NADK: variants seen among roughly 807,000 people sequenced by gnomAD.
NADK encodes NAD kinase.
In NADK, 22 loss-of-function variants were observed where a neutral mutation model predicts 49.8. That is an observed-to-expected ratio of 0.44 (90% confidence interval 0.32 to 0.63). NADK has a LOEUF of 0.63. Ranked by LOEUF, NADK falls within the 30% of genes least tolerant of loss-of-function variation. NADK has a pLI of 0.06. For missense variants in NADK, 438 were observed against 609.4 expected, an observed-to-expected ratio of 0.72 and a Z score of 2.96; for synonymous variants, 268 against 253.7, an observed-to-expected ratio of 1.06 and a Z score of -0.54.
intron 1 of NADK, among the ~76,000 whole-genome samples, chr1:1,774,445 G>C (rs1476940862): frequency 2.0e-5 from 3 of 152,072 alleles, no homozygotes; most frequent in African/African-American, 7.2e-5. Flanking sequence ...CAACATGGAG[G>C]GGTTTCTCCA....
intron 3 of NADK, among the ~76,000 whole-genome samples, chr1:1,761,205 C>A (rs977310272): frequency 2.0e-5 from 3 of 152,204 alleles, no homozygotes; most frequent in Non-Finnish European, 2.9e-5. Context: ...ATTGGCCAGG[C>A]TGGTCTTGAA....
At chr1:1,758,057 C>T (rs1408609517) in intron 3 of NADK, among the ~76,000 whole-genome samples, 1 of 152,218 alleles carries the variant, frequency 6.6e-6, no homozygotes, top group Non-Finnish European at 1.5e-5. Flanking sequence ...GGAACACACA[C>T]CACGGAGCCT....
intron 1 of NADK, among the ~76,000 whole-genome samples, chr1:1,766,647 G>T (rs1268542032): frequency 6.6e-6 from 1 of 151,320 alleles, no homozygotes; most frequent in African/African-American, 2.4e-5. Flanking sequence ...AAGAAAACTG[G>T]TGAGGATAGA....
intron 1 of NADK, among the ~76,000 whole-genome samples, chr1:1,775,775 A>G (rs1323818449): frequency 6.6e-6 from 1 of 152,224 alleles, no homozygotes; most frequent in Non-Finnish European, 1.5e-5. Flanking sequence ...TCTGAAGCAC[A>G]CACACACATT....
Position 1,765,254 on chromosome 1 carries a change from G to A in NADK, c.153C>T (p.Pro51=), listed in dbSNP as rs150021026. The A allele has an allele frequency of 2.9e-5, 47 of 1,611,348 alleles. No individual in the cohort carries two copies. In the African/African-American group the frequency reaches 3.7e-4, roughly 13 times the overall value. ...TGAACTCCTTGGTGCTCCCCAGGGC[G>A]GGCGAGGCAGACAGGCTGCGAGACT... ...RAKSRSLSAS[P]ALGSTKEFRR... The change falls in exon 2 of 12, where the codon CCC becomes CCT. Residue 51 remains proline (P), a synonymous_variant. Coordinates refer to ENST00000341426, the MANE Select transcript of NADK (RefSeq NM_023018.5).
At chr1:1,753,965 G>C in intron 10 of NADK, 86 bp downstream of exon 10, 1 of 1,468,688 alleles carries the variant, frequency 6.8e-7, no homozygotes, top group Non-Finnish European at 9.1e-7. Context: ...GAGCCAGCAT[G>C]GCAGAGCGGG....
chr1:1,767,212 C>T (rs1645916027), intron 1 of NADK, among the ~76,000 whole-genome samples: 1 of 152,164 alleles, frequency 6.6e-6, no homozygotes, highest in Non-Finnish European at 1.5e-5. Flanking sequence ...CCACCACGCC[C>T]AGCCTAGAAC....
Position 1,765,340 on chromosome 1 carries a change from A to G in NADK, c.67T>C (p.Cys23Arg), listed in dbSNP as rs141373333. 2.2e-5 allele frequency: 36 copies of G among 1,613,602 alleles called. 1 individual carries two copies. The African/African-American group carries it at 4.0e-4, about 18-fold the overall frequency. The change falls in exon 2 of 12, where the codon TGC becomes CGC. Residue 23 changes from cysteine (C) to arginine (R), a missense_variant. By Grantham distance (180) the Cys-to-Arg change is radical. Transcript: ENST00000341426. ...GTCTCATCGCCGTGGCAGGCCGAGC[A>G]GCAGTAAGCAGCCGCGTCTGGACTC... Reference protein sequence around the residue: ...ELSPDAAAYCCSACHGDETWS... With the variant: ...ELSPDAAAYCRSACHGDETWS...
At chr1:1,755,633 C>T (rs535544990) in intron 6 of NADK, among the ~76,000 whole-genome samples, 157 bp from the exon 7 acceptor site, 199 of 152,296 alleles carry the variant, frequency 1.3e-3, no homozygotes, top group Non-Finnish European at 2.4e-3. Context: ...AGGGGGACGT[C>T]GCAGGCCAGG....
intron 6 of NADK, 76 bp downstream of exon 6, chr1:1,756,182 G>T: frequency 7.5e-7 from 1 of 1,338,658 alleles, no homozygotes; most frequent in Non-Finnish European, 1.1e-6. Context: ...AGCAATGGAA[G>T]CCATGCTTGT....
chr1:1,773,721 T>TGAGAGAGA (rs1646124631), intron 1 of NADK, among the ~76,000 whole-genome samples: 2 of 136,506 alleles, frequency 1.5e-5, no homozygotes, highest in African/African-American at 5.6e-5. Flanking sequence ...TGTGTGTGTG[T>TGAGAGAGA]GTGTGTGTGA....
rs752504274 is a variant in NADK, at chr1:1,758,430, C to T, written c.264-1120G>A. ...CATCCCCTATGAGCTCAGCACCTGCCGGGTCACACATGTGGCTCGCGAGGT... is the reference window on the plus strand; with the variant it reads ...CATCCCCTATGAGCTCAGCACCTGCTGGGTCACACATGTGGCTCGCGAGGT... On this transcript the variant is annotated intron_variant, in intron 3 of 11. Coordinates refer to ENST00000341426, the MANE Select transcript of NADK (RefSeq NM_023018.5). 17 of 1,612,092 alleles carry T rather than the reference C, an allele frequency of 1.1e-5. No individual in the cohort carries two copies. The South Asian group carries it at 1.2e-4, about 11-fold the overall frequency.
At chr1:1,755,536 T>C in intron 6 of NADK, 60 bp from the exon 7 acceptor site, 3 of 1,278,464 alleles carry the variant, frequency 2.3e-6, no homozygotes, top group African/African-American at 1.5e-5. Flanking sequence ...ACCACCCAGC[T>C]TTCCAGCAGC....
chr1:1,778,710 C>G (rs1646290188), upstream of NADK: 2 of 151,806 alleles, frequency 1.3e-5, no homozygotes, highest in African/African-American at 2.4e-5. This position sits in a 1 kb window ranked among gnomAD's most constrained non-coding sequence, Gnocchi z 4.9. Context: ...GTCGGCGCCC[C>G]GAGGAGGGCG....
At chr1:1,761,718 C>T (rs771411272) in intron 3 of NADK, 140 of 440,526 alleles carry the variant, frequency 3.2e-4, no homozygotes, top group Non-Finnish European at 5.4e-4. Flanking sequence ...GGGGAGCCCC[C>T]GCTCGGATGC....
At chr1:1,764,928 T>C (rs1179857032) in intron 2 of NADK, among the ~76,000 whole-genome samples, 2 of 152,194 alleles carry the variant, frequency 1.3e-5, no homozygotes, top group African/African-American at 4.8e-5. Context: ...CCAAGTGCGC[T>C]TCAGTCTAAC....
chr1:1,754,782 C>CA lies in NADK; in HGVS notation c.689-85dup. Reference sequence around the variant, plus strand: ...CCACCCCAGGGAGGCCAGTGGGAGTCAGAGGGCTCTTTCTTCTCCCAAGTT... The same window carrying CA: ...CCACCCCAGGGAGGCCAGTGGGAGTCAAGAGGGCTCTTTCTTCTCCCAAGTT... On this transcript the variant is annotated intron_variant, in intron 7 of 11. Transcript: ENST00000341426. The surrounding 1 kb of genome is among the most constrained non-coding windows in gnomAD (Gnocchi z 4.3). 4 of 1,318,182 alleles carry CA rather than the reference C, an allele frequency of 3.0e-6. No homozygotes were observed. The highest frequency in any genetic ancestry group is 4.2e-6 in the Non-Finnish European group (4 of 963,828). 81.7% of individuals were successfully genotyped at this position (1,318,182 alleles called of 1,614,324 possible).
At chr1:1,759,084 C>T in intron 3 of NADK, 4 of 1,516,894 alleles carry the variant, frequency 2.6e-6, no homozygotes, top group Non-Finnish European at 3.6e-6. Context: ...CTCTCCCCGC[C>T]AACAGTCACC....
intron 3 of NADK, chr1:1,758,309 A>G: frequency 2.6e-6 from 4 of 1,539,586 alleles, no homozygotes; most frequent in East Asian, 2.3e-5. Flanking sequence ...TGGCAGCCAC[A>G]GGGCCACAGA....
Sources: allele counts gnomAD v4.1 joint callset (sites outside exome capture counted in the v4.1 genomes callset), GRCh38; gene constraint gnomAD v4.1.1; non-coding constraint Gnocchi (gnomAD v3.1); transcripts MANE v1.5; gene names NCBI Gene and HGNC (gene_info 2026-07-23, HGNC 2026-07-21).